SEMA5B: variants seen among roughly 807,000 people sequenced by gnomAD.
SEMA5B encodes the protein semaphorin 5B.
In SEMA5B, 66 loss-of-function variants were observed where a neutral mutation model predicts 135.0. The observed-to-expected ratio is 0.49, with a 90% CI of 0.40 to 0.60. The LOEUF (loss-of-function observed/expected upper bound fraction) is 0.60. SEMA5B is among the 20% of genes least tolerant of loss of function. The pLI, the probability that SEMA5B is intolerant of heterozygous loss-of-function variation, is 0.00. For missense variants in SEMA5B, 1,501 were observed against 1,566.3 expected, an observed-to-expected ratio of 0.96 and a Z score of 0.70; for synonymous variants, 690 against 639.5, an observed-to-expected ratio of 1.08 and a Z score of -1.19.
rs891298361 is a variant in SEMA5B at position 122,913,371 on chromosome 3, G to A, written c.2334C>T (p.Pro778=). ...CGTTCACGGGCAGCCACGGCGTCCA[G>A]GGGGTGTTGCGCCGCACTTCGGGGC... ...EGCPEVRRNT[P]WTPWLPVNVT... is the part of the protein sequence containing the mutation. Residue 778 remains proline, a synonymous_variant, in exon 17 of 23, where the codon CCC becomes CCT. Coordinates refer to ENST00000357599, the MANE Select transcript of SEMA5B (RefSeq NM_001031702.4). 1 of 1,582,882 alleles carries A rather than the reference G, an allele frequency of 6.3e-7. No homozygotes were observed.
intron 1 of SEMA5B, among the ~76,000 whole-genome samples, chr3:123,020,479 A>AAT (rs2107827966): frequency 6.6e-6 from 1 of 152,380 alleles, no homozygotes; most frequent in African/African-American, 2.4e-5. Flanking sequence ...ATCAGCTTAT[A>AAT]ATAGAAAGTC....
intron 1 of SEMA5B, among the ~76,000 whole-genome samples, chr3:123,016,585 T>G (rs1488612342): frequency 2.0e-5 from 3 of 152,144 alleles, no homozygotes; most frequent in Non-Finnish European, 4.4e-5. Flanking sequence ...TTAATTTAAT[T>G]TTTTTTAGAG....
At chr3:122,976,266 C>T in intron 1 of SEMA5B, 1 of 1,066,308 alleles carries the variant, frequency 9.4e-7, no homozygotes, top group Non-Finnish European at 1.3e-6. Flanking sequence ...AGGCCTCACC[C>T]CAGACCTACT....
intron 1 of SEMA5B, among the ~76,000 whole-genome samples, chr3:122,975,735 A>G (rs1941295243): frequency 6.6e-6 from 1 of 151,878 alleles, no homozygotes; most frequent in Admixed American, 6.6e-5. Flanking sequence ...TACGCTTCCT[A>G]TCTTTCATCT....
chr3:122,941,000 G>C (rs1015568142), intron 4 of SEMA5B, among the ~76,000 whole-genome samples: 1 of 152,068 alleles, frequency 6.6e-6, no homozygotes, highest in Non-Finnish European at 1.5e-5. Flanking sequence ...TCACAACATC[G>C]CAGTCAACTC....
At chr3:122,935,616 G>A (rs561515634) in intron 5 of SEMA5B, among the ~76,000 whole-genome samples, 1 of 150,994 alleles carries the variant, frequency 6.6e-6, no homozygotes, top group African/African-American at 2.4e-5. Context: ...TGAGGAGTCA[G>A]CTGCCTGTCC....
intron 3 of SEMA5B, among the ~76,000 whole-genome samples, chr3:122,946,320 A>C (rs1484708760): frequency 1.3e-5 from 2 of 152,104 alleles, no homozygotes. Context: ...AAACAGAAAA[A>C]CAGCAGTCAG....
chr3:123,007,770 A>G (rs919124980), intron 1 of SEMA5B, among the ~76,000 whole-genome samples: 1 of 152,248 alleles, frequency 6.6e-6, no homozygotes, highest in Non-Finnish European at 1.5e-5. Flanking sequence ...CTTAGCCTCC[A>G]TAACAGTGAG....
At chr3:122,963,482 GTC>G in intron 1 of SEMA5B, among the ~76,000 whole-genome samples, 2 of 142,464 alleles carry the variant, frequency 1.4e-5, no homozygotes, top group Admixed American at 1.4e-4. Flanking sequence ...AACAGAGCGA[GTC>G]TCTGACTCAA....
chr3:122,916,110 C>T (rs1227770166), intron 12 of SEMA5B, among the ~76,000 whole-genome samples: 1 of 152,288 alleles, frequency 6.6e-6, no homozygotes. Context: ...GAAGTGGGTA[C>T]TGTTATTATT....
chr3:122,984,164 C>A (rs77809131), intron 1 of SEMA5B, among the ~76,000 whole-genome samples: 11 of 152,342 alleles, frequency 7.2e-5, no homozygotes, highest in East Asian at 1.9e-4. Context: ...CTCCCGCCCC[C>A]CGCCGTGGCC....
intron 1 of SEMA5B, among the ~76,000 whole-genome samples, chr3:123,004,996 G>C (rs1234684880): frequency 1.3e-5 from 2 of 152,166 alleles, no homozygotes; most frequent in Non-Finnish European, 2.9e-5. Flanking sequence ...ACCAGGGCCT[G>C]GTGGAACTCT....
At chr3:122,976,093 CA>C (rs1450671526) in intron 1 of SEMA5B, 1 of 1,535,368 alleles carries the variant, frequency 6.5e-7, no homozygotes, top group Non-Finnish European at 8.7e-7. Flanking sequence ...CTCACGCAGC[CA>C]ATGGCTTCCT....
At chr3:122,947,451 A>C (rs1288827685) in intron 3 of SEMA5B, among the ~76,000 whole-genome samples, 1 of 151,804 alleles carries the variant, frequency 6.6e-6, no homozygotes, top group Non-Finnish European at 1.5e-5. Context: ...TCATTGGTTG[A>C]TTTTTCCAGC....
Position 122,948,665 on chromosome 3 carries a change from G to A in SEMA5B, c.169C>T (p.Pro57Ser). 1 of 1,612,862 alleles carries A rather than the reference G, an allele frequency of 6.2e-7. No homozygotes were observed. The highest frequency in any genetic ancestry group is 8.5e-7 in the Non-Finnish European group (1 of 1,179,302). Residue 57 changes from proline (P) to serine (S), a missense_variant, in exon 3 of 23, where the codon CCT becomes TCT. Pro to Ser is a moderately conservative substitution (Grantham distance 74, BLOSUM62 -1). Around this residue, in one of 2 missense-constraint regions of SEMA5B, gnomAD observed 574 missense variants for 684.7 expected, o/e 0.84. Coordinates refer to ENST00000357599, the MANE Select transcript of SEMA5B (RefSeq NM_001031702.4). ...AGGGGGCCTGCAAGCACCATGATAG[G>A]CCCCTCTGCAGTCCTAGCTCCGGGA... ...LPPGARTAEG[P>S]IMVLAGPLAV...
intron 4 of SEMA5B, among the ~76,000 whole-genome samples, chr3:122,940,977 C>A (rs891241576): frequency 4.6e-5 from 7 of 152,198 alleles, no homozygotes; most frequent in African/African-American, 1.7e-4. Flanking sequence ...TTTATCCCAT[C>A]AAAAATCATT....
chr3:122,958,582 T>C (rs1312123048), intron 2 of SEMA5B, among the ~76,000 whole-genome samples: 1 of 152,158 alleles, frequency 6.6e-6, no homozygotes, highest in Non-Finnish European at 1.5e-5. Context: ...AGCACAAAGA[T>C]AAGATTGAGA....
chr3:123,009,566 A>G (rs1411039934), intron 1 of SEMA5B, among the ~76,000 whole-genome samples: 2 of 152,116 alleles, frequency 1.3e-5, no homozygotes, highest in Non-Finnish European at 2.9e-5. Flanking sequence ...AGAGAAAAAA[A>G]GAGAAAGAAA....
rs79230923 is a variant in SEMA5B, at chr3:122,940,693, C to T, written c.429-1223G>A. 3.3e-3 allele frequency among the ~76,000 whole-genome samples: 503 copies of T among 152,346 alleles called. 17 individuals are homozygous for T. In the East Asian group the frequency reaches 0.086, roughly 26 times the overall value. On this transcript the variant is annotated intron_variant, in intron 4 of 22. Transcript: ENST00000357599. The stretch of plus-strand genomic sequence containing the variant: ...AGATGCCGCAGGCCAGGAGGCTTCT[C>T]TTCCCAGCTCTGGCTCCAGGCCCAG...
Sources: gnomAD v4.1 joint callset for allele counts (sites outside exome capture counted in the v4.1 genomes callset) on GRCh38, gnomAD v4.1.1 for gene constraint, gnomAD v4.1.1 regional missense constraint, MANE v1.5 for transcripts, NCBI Gene and HGNC (gene_info 2026-07-23, HGNC 2026-07-21) for gene names.